Variants in OPRD1 observed in about 807,000 individuals in gnomAD.
OPRD1 encodes delta-type opioid receptor.
A neutral mutation model predicts 17.5 loss-of-function variants in OPRD1; 19 were observed. That is an observed-to-expected ratio of 1.09 (90% CI 0.76 to 1.60). The LOEUF (loss-of-function observed/expected upper bound fraction) is 1.60. OPRD1 is among the 40% of genes most tolerant of loss of function. The pLI is 0.00. For synonymous variants in OPRD1, 256 were observed against 240.9 expected, an observed-to-expected ratio of 1.06 and a Z score of -0.58; for missense variants, 483 against 547.2, an observed-to-expected ratio of 0.88 and a Z score of 1.17.
At chr1:28,827,750 A>T (rs2088778386) in intron 1 of OPRD1, among the ~76,000 whole-genome samples, 1 of 151,304 alleles carries the variant, frequency 6.6e-6, no homozygotes, top group African/African-American at 2.4e-5. Flanking sequence ...CCCTGCTCAG[A>T]GACACAGTCT....
chr1:28,816,119 C>G (rs1335150805), intron 1 of OPRD1, among the ~76,000 whole-genome samples: 1 of 152,184 alleles, frequency 6.6e-6, no homozygotes, highest in Admixed American at 6.6e-5. Flanking sequence ...AAAGAATTAA[C>G]TCATTCTACA....
chr1:28,853,405 C>T (rs2089024954), intron 1 of OPRD1, among the ~76,000 whole-genome samples: 1 of 152,210 alleles, frequency 6.6e-6, no homozygotes, highest in African/African-American at 2.4e-5. Context: ...TTAGATTGTC[C>T]TGGAAACACT....
chr1:28,856,909 C>T (rs2089062682), intron 1 of OPRD1, among the ~76,000 whole-genome samples: 2 of 152,264 alleles, frequency 1.3e-5, no homozygotes, highest in South Asian at 4.2e-4. Flanking sequence ...AAGAGGGATG[C>T]ACTGTGGCTT....
intron 1 of OPRD1, among the ~76,000 whole-genome samples, chr1:28,825,926 T>G (rs1448455406): frequency 2.0e-5 from 3 of 152,146 alleles, no homozygotes; most frequent in Non-Finnish European, 4.4e-5. Context: ...CATCATTGGG[T>G]TGTCCCCCCT....
intron 1 of OPRD1, among the ~76,000 whole-genome samples, chr1:28,848,214 A>G (rs1397572140): frequency 2.0e-5 from 3 of 151,498 alleles, no homozygotes; most frequent in Non-Finnish European, 4.4e-5. Flanking sequence ...GTGCCACTGC[A>G]CTCTAGCCTG....
intron 1 of OPRD1, among the ~76,000 whole-genome samples, chr1:28,836,942 G>A (rs891364129): frequency 2.6e-5 from 4 of 152,258 alleles, no homozygotes; most frequent in South Asian, 4.2e-4. Flanking sequence ...GTGGGGGAAC[G>A]GGGATAGTTT....
intron 1 of OPRD1, among the ~76,000 whole-genome samples, chr1:28,858,125 T>C (rs1569652967): frequency 1.4e-5 from 2 of 144,368 alleles, no homozygotes; most frequent in African/African-American, 5.2e-5. Context: ...CTTTTTTTTT[T>C]TTTTTGAGAC....
At chr1:28,837,872 T>G (rs535928788) in intron 1 of OPRD1, among the ~76,000 whole-genome samples, 1 of 146,058 alleles carries the variant, frequency 6.8e-6, no homozygotes, top group South Asian at 2.3e-4. Flanking sequence ...TAATCTAGTA[T>G]GACCTCATCT....
intron 1 of OPRD1, among the ~76,000 whole-genome samples, chr1:28,844,388 T>G (rs1375352177): frequency 6.6e-6 from 1 of 152,124 alleles, no homozygotes; most frequent in Non-Finnish European, 1.5e-5. Context: ...CCTCCAGGAC[T>G]CAAGCGATTC....
At chr1:28,842,544 A>G (rs1435798275) in intron 1 of OPRD1, among the ~76,000 whole-genome samples, 4 of 152,184 alleles carry the variant, frequency 2.6e-5, no homozygotes, top group Non-Finnish European at 2.9e-5. Flanking sequence ...AAATTAATAG[A>G]GGTGGTGATG....
At chr1:28,855,608 A>G (rs938767302) in intron 1 of OPRD1, among the ~76,000 whole-genome samples, 1 of 152,208 alleles carries the variant, frequency 6.6e-6, no homozygotes, top group African/African-American at 2.4e-5. Flanking sequence ...GCGGGCAATC[A>G]GCGCTGGGCC....
chr1:28,846,890 C>CT (rs1363432070), intron 1 of OPRD1, among the ~76,000 whole-genome samples: 1 of 52,332 alleles, frequency 1.9e-5, no homozygotes, highest in African/African-American at 4.1e-5. Flanking sequence ...TTCTTTCTTT[C>CT]TTTTCTCTTT....
chr1:28,812,377 G>C lies in OPRD1; in HGVS notation c.-7G>C, dbSNP rs1476616960. On this transcript the variant is annotated 5_prime_UTR_variant, in exon 1 of 3. Coordinates refer to ENST00000234961, the MANE Select transcript of OPRD1 (RefSeq NM_000911.4). The stretch of plus-strand genomic sequence containing the variant: ...GGAGAGGGACGCGGCGGAGCCGGCC[G>C]GCAGCCATGGAACCGGCCCCCTCCG... The C allele has an allele frequency of 7.1e-5, 98 of 1,378,704 alleles. No homozygotes were observed. The highest frequency in any genetic ancestry group is 8.9e-5 in the Non-Finnish European group (96 of 1,074,502). 85.4% of individuals were successfully genotyped at this position (1,378,704 alleles called of 1,614,324 possible).
chr1:28,844,740 T>G (rs2088925080), intron 1 of OPRD1, among the ~76,000 whole-genome samples: 1 of 152,086 alleles, frequency 6.6e-6, no homozygotes, highest in African/African-American at 2.4e-5. Flanking sequence ...GACAGTGTCA[T>G]TTGTTTTTGT....
rs1236849377 is a variant in OPRD1, at chr1:28,824,583, G to A, written c.227+11973G>A. ...TCCGCCCGCCTCGGCCTCCCAAAGT[G>A]CTGGGATTACAGGCGTGAGCCACTG... On this transcript the variant is annotated intron_variant, in intron 1 of 2. Coordinates refer to ENST00000234961, the MANE Select transcript of OPRD1 (RefSeq NM_000911.4). Among the ~76,000 whole-genome samples, 6 of 151,936 alleles carry A rather than the reference G, an allele frequency of 3.9e-5. No individual in the cohort carries two copies. In the South Asian group the frequency reaches 1.0e-3, roughly 26 times the overall value.
At chr1:28,856,473 C>T (rs981928078) in intron 1 of OPRD1, among the ~76,000 whole-genome samples, 1 of 152,182 alleles carries the variant, frequency 6.6e-6, no homozygotes, top group Non-Finnish European at 1.5e-5. Context: ...AAATCACTTC[C>T]CCTCAATGTG....
At chr1:28,842,926 G>A (rs1557574620) in intron 1 of OPRD1, among the ~76,000 whole-genome samples, 1 of 151,128 alleles carries the variant, frequency 6.6e-6, no homozygotes, top group Non-Finnish European at 1.5e-5. Flanking sequence ...AAAAAAATTA[G>A]TTTGGTGTGA....
At chr1:28,828,766 G>A (rs2088787873) in intron 1 of OPRD1, among the ~76,000 whole-genome samples, 1 of 151,498 alleles carries the variant, frequency 6.6e-6, no homozygotes, top group African/African-American at 2.4e-5. Context: ...AAGGCAGGTG[G>A]ATCACCTGAG....
chr1:28,861,908 C>CTTT (rs11307166), intron 2 of OPRD1, among the ~76,000 whole-genome samples: 2 of 144,158 alleles, frequency 1.4e-5, no homozygotes, highest in African/African-American at 2.6e-5. Context: ...CTTTTCTTTT[C>CTTT]TTTTCTTTTT....
Sources: allele counts gnomAD v4.1 joint callset (sites outside exome capture counted in the v4.1 genomes callset), GRCh38; gene constraint gnomAD v4.1.1; transcripts MANE v1.5; gene names NCBI Gene and HGNC (gene_info 2026-07-23, HGNC 2026-07-21).